Variants in CDC37L1 observed in about 807,000 individuals in gnomAD.
CDC37L1 encodes cell division cycle 37 like 1, HSP90 cochaperone.
A neutral mutation model predicts 45.9 loss-of-function variants in CDC37L1; 32 were observed. The observed-to-expected ratio is 0.70, with a 90% confidence interval of 0.53 to 0.94. The LOEUF (loss-of-function observed/expected upper bound fraction) is 0.94. CDC37L1 is among the 40% of genes least tolerant of loss of function. CDC37L1 has a pLI of 0.00. For missense variants in CDC37L1, 434 were observed against 405.7 expected (o/e 1.07, Z -0.60); for synonymous variants, 150 against 133.0 (o/e 1.13, Z -0.88).
intron 1 of CDC37L1, among the ~76,000 whole-genome samples, chr9:4,684,401 T>G (rs1187172702): frequency 6.6e-6 from 1 of 152,146 alleles, no homozygotes. Flanking sequence ...CACCAAGGAT[T>G]GGAAAAATAC....
chr9:4,698,274 C>T (rs60437133), intron 5 of CDC37L1, among the ~76,000 whole-genome samples: 1 of 148,760 alleles, frequency 6.7e-6, no homozygotes, highest in African/African-American at 2.5e-5. Context: ...AGAAATCAGA[C>T]TTTTATAAAG....
At chr9:4,703,003 G>A (rs992763528) in intron 6 of CDC37L1, 9 of 1,378,880 alleles carry the variant, frequency 6.5e-6, no homozygotes, top group Non-Finnish European at 8.7e-6. Flanking sequence ...AGGATTACAA[G>A]TTTAAGTTAT....
chr9:4,692,589 A>T (rs28394861), intron 3 of CDC37L1, among the ~76,000 whole-genome samples: 18,680 of 152,190 alleles, frequency 0.12, 1,680 homozygotes, highest in African/African-American at 0.24. Flanking sequence ...GTTTTTTAAA[A>T]AGTCATTCAA....
At chr9:4,692,394 C>T (rs1258757722) in intron 3 of CDC37L1, among the ~76,000 whole-genome samples, 5 of 151,820 alleles carry the variant, frequency 3.3e-5, no homozygotes, top group African/African-American at 9.7e-5. Context: ...CTCAGCCTCC[C>T]GAGTAGCTGG....
At chr9:4,694,166 A>G (rs1841325931) in intron 3 of CDC37L1, among the ~76,000 whole-genome samples, 1 of 152,154 alleles carries the variant, frequency 6.6e-6, no homozygotes, top group South Asian at 2.1e-4. Context: ...TGCAGCCTCA[A>G]TTTCCTAAGC....
At chr9:4,680,013 CA>C in intron 1 of CDC37L1, 114 bp downstream of exon 1, 2 of 1,376,174 alleles carry the variant, frequency 1.5e-6, no homozygotes, top group Non-Finnish European at 9.8e-7. Flanking sequence ...ACCTCACTGC[CA>C]GGGGCCGGGG....
rs114657328 is a variant in CDC37L1 at position 4,707,962 on chromosome 9, C to A, written c.*1850C>A. The A allele has an allele frequency of 6.6e-6, 1 of 152,172 alleles. No homozygotes were observed. Among genetic ancestry groups the A allele is most frequent in the African/African-American group, 2.4e-5 (1 of 41,426 alleles). The allele number at this position is 152,172 out of a possible 1,614,324, so 9.4% of individuals were successfully genotyped here. ...TGAAGACTGGCAGGAGAGAAAGTAT[C>A]AACAAACTGAGTAAACTATTCTTGA... On this transcript the variant is annotated 3_prime_UTR_variant, in exon 7 of 7. Transcript: ENST00000381854.
At chr9:4,704,215 T>G (rs1374250178) in intron 6 of CDC37L1, among the ~76,000 whole-genome samples, 1 of 152,222 alleles carries the variant, frequency 6.6e-6, no homozygotes, top group Non-Finnish European at 1.5e-5. Context: ...TGATTCATTT[T>G]CATTCATTTT....
chr9:4,680,506 A>G (rs1439244188), intron 1 of CDC37L1, among the ~76,000 whole-genome samples: 1 of 152,190 alleles, frequency 6.6e-6, no homozygotes, highest in African/African-American at 2.4e-5. Flanking sequence ...CTCCAGTGAA[A>G]ATATATACGC....
chr9:4,682,890 G>C (rs1052323012), intron 1 of CDC37L1, among the ~76,000 whole-genome samples: 1 of 150,196 alleles, frequency 6.7e-6, no homozygotes, highest in African/African-American at 2.4e-5. Flanking sequence ...AGTTATTCTT[G>C]ATCCTATTCT....
intron 4 of CDC37L1, 102 bp from the exon 5 acceptor site, chr9:4,697,652 TAAG>T: frequency 1.6e-6 from 1 of 617,620 alleles, no homozygotes; most frequent in Non-Finnish European, 2.8e-6. Flanking sequence ...ACTTATAACT[TAAG>T]AGAGTAAAAT....
chr9:4,687,678 C>CCAA, intron 2 of CDC37L1, among the ~76,000 whole-genome samples: 1 of 58,408 alleles, frequency 1.7e-5, no homozygotes, highest in South Asian at 7.9e-4. Context: ...GACCCCATCT[C>CCAA]AAAAAAAAAA....
intron 1 of CDC37L1, among the ~76,000 whole-genome samples, chr9:4,683,998 CTT>C (rs1563766966): frequency 6.6e-6 from 1 of 152,154 alleles, no homozygotes; most frequent in Non-Finnish European, 1.5e-5. Context: ...AGAAATGTAA[CTT>C]TGTGGCCAGG....
At chr9:4,703,146 A>T (rs775535074) in intron 6 of CDC37L1, 1 of 1,508,162 alleles carries the variant, frequency 6.6e-7, no homozygotes, top group Non-Finnish European at 8.9e-7. Context: ...TGTGAGAAGG[A>T]AAGTCTTATT....
At chr9:4,688,439 G>C (rs1490581470) in intron 2 of CDC37L1, 74 bp from the exon 3 acceptor site, 1 of 806,666 alleles carries the variant, frequency 1.2e-6, no homozygotes, top group Non-Finnish European at 1.9e-6. Flanking sequence ...AGAATTGCTA[G>C]ATATTCAGTA....
intron 5 of CDC37L1, among the ~76,000 whole-genome samples, chr9:4,699,139 T>G (rs1418545074): frequency 6.6e-6 from 1 of 152,202 alleles, no homozygotes; most frequent in Admixed American, 6.5e-5. Flanking sequence ...AGAGAAACTC[T>G]TACACATATG....
Position 4,684,842 on chromosome 9 carries a change from TTTC to T in CDC37L1, c.133-31_133-29del, listed in dbSNP as rs1358987319. ...ACTGTGCTGCACAAACATCCATTGC[TTTC>T]TTCATTTCTTACAAATATTGTTTTT... On this transcript the variant is annotated intron_variant, in intron 1 of 6. Coordinates refer to ENST00000381854, the MANE Select transcript of CDC37L1 (RefSeq NM_017913.4). 3.3e-6 allele frequency: 5 copies of T among 1,529,432 alleles called. No homozygotes were observed. The South Asian group carries it at 4.7e-5, about 14-fold the overall frequency. 94.7% of individuals were successfully genotyped at this position (1,529,432 alleles called of 1,614,324 possible). A position where few individuals can be genotyped will look rare whatever the true frequency, so the allele number is the denominator to read the frequency against.
Position 4,679,587 on chromosome 9 carries a change from G to A in CDC37L1, c.-181G>A, listed in dbSNP as rs1021086580. On this transcript the variant is annotated 5_prime_UTR_variant, in exon 1 of 7. Coordinates refer to ENST00000381854, the MANE Select transcript of CDC37L1 (RefSeq NM_017913.4). ...ACTATTTCTTCCGCCGTCCGCCGGT[G>A]GCGAGGCCCAGGCTGTCGCCGGGTG... 19 of 530,128 alleles carry A rather than the reference G, an allele frequency of 3.6e-5. No homozygotes were observed. Among genetic ancestry groups the A allele is most frequent in the African/African-American group, 3.4e-4 (17 of 50,694 alleles). 32.8% of individuals were successfully genotyped at this position (530,128 alleles called of 1,614,324 possible). A position where few individuals can be genotyped will look rare whatever the true frequency, so the allele number is the denominator to read the frequency against.
At chr9:4,685,217 A>G in intron 2 of CDC37L1, 59 bp downstream of exon 2, 3 of 1,292,386 alleles carry the variant, frequency 2.3e-6, no homozygotes, top group Non-Finnish European at 3.3e-6. Context: ...TGTACAAACC[A>G]GTTGTGCGTA....
Sources: gnomAD v4.1 joint callset for allele counts (sites outside exome capture counted in the v4.1 genomes callset) on GRCh38, gnomAD v4.1.1 for gene constraint, MANE v1.5 for transcripts, NCBI Gene and HGNC (gene_info 2026-07-23, HGNC 2026-07-21) for gene names.